Variants in PKNOX2 observed in about 807,000 individuals in gnomAD.
PKNOX2 encodes PBX/knotted 1 homeobox 2.
In PKNOX2, 14 loss-of-function variants were observed where a neutral mutation model predicts 53.1. The ratio of observed to expected loss-of-function variants is 0.26; its 90% CI spans 0.17 to 0.41. The LOEUF (loss-of-function observed/expected upper bound fraction) is 0.41, where lower values mean the gene tolerates loss of function less well. Ranked by LOEUF, PKNOX2 falls within the 10% of genes least tolerant of loss-of-function variation. PKNOX2 has a pLI of 1.00. For missense variants in PKNOX2, 496 were observed against 602.8 expected (o/e 0.82, Z 1.85); for synonymous variants, 257 against 242.8 (o/e 1.06, Z -0.54).
chr11:125,379,984 A>T (rs868629910), intron 5 of PKNOX2, among the ~76,000 whole-genome samples: 6 of 102,182 alleles, frequency 5.9e-5, no homozygotes, highest in Middle Eastern at 4.1e-3. Flanking sequence ...GCTCCTGGGG[A>T]GAGGTGATGA....
chr11:125,280,982 T>A (rs1946518413), intron 2 of PKNOX2, among the ~76,000 whole-genome samples: 1 of 152,172 alleles, frequency 6.6e-6, no homozygotes, highest in African/African-American at 2.4e-5. Flanking sequence ...CAGAAACTGG[T>A]GACCTGAGTG....
intron 8 of PKNOX2, 83 bp downstream of exon 8, chr11:125,410,408 G>A (rs1955435943): frequency 1.3e-6 from 2 of 1,573,792 alleles, no homozygotes; most frequent in South Asian, 2.3e-5. Flanking sequence ...CAGGGGTGGG[G>A]GTTGTCCTCC....
At chr11:125,413,298 C>T (rs916264073) in intron 10 of PKNOX2, among the ~76,000 whole-genome samples, 1 of 152,200 alleles carries the variant, frequency 6.6e-6, no homozygotes, top group African/African-American at 2.4e-5. Flanking sequence ...CAGCCTCAGG[C>T]CTCTAAGGAG....
chr11:125,250,755 G>A (rs1035307114), intron 2 of PKNOX2, among the ~76,000 whole-genome samples: 2 of 152,224 alleles, frequency 1.3e-5, no homozygotes, highest in Non-Finnish European at 2.9e-5. Flanking sequence ...GGAGGAGACC[G>A]CAGGCTTTCA....
intron 1 of PKNOX2, among the ~76,000 whole-genome samples, chr11:125,192,809 C>A (rs936405440): frequency 1.3e-5 from 2 of 152,120 alleles, no homozygotes; most frequent in African/African-American, 4.8e-5. Flanking sequence ...CAGGAAATCA[C>A]GGCCAGCCAG....
intron 3 of PKNOX2, among the ~76,000 whole-genome samples, chr11:125,334,957 C>T (rs1176991135): frequency 1.3e-5 from 2 of 152,096 alleles, no homozygotes; most frequent in East Asian, 3.9e-4. Flanking sequence ...ATCATATTTA[C>T]CTCATGGGGC....
intron 9 of PKNOX2, chr11:125,411,494 CTCTCTCTCTCTCT>C (rs1210428349): frequency 9.4e-5 from 43 of 455,580 alleles, no homozygotes; most frequent in African/African-American, 7.4e-4. Context: ...CTCTCTCTCT[CTCTCTCTCTCTCT>C]CTCCCCCCCT....
intron 1 of PKNOX2, among the ~76,000 whole-genome samples, chr11:125,201,954 C>T (rs1239973219): frequency 1.3e-5 from 2 of 152,190 alleles, no homozygotes; most frequent in Non-Finnish European, 2.9e-5. Flanking sequence ...TCTGGTGGAG[C>T]CCCAGCCTCT....
At chr11:125,410,372 G>A in intron 8 of PKNOX2, 47 bp downstream of exon 8, 2 of 1,609,696 alleles carry the variant, frequency 1.2e-6, no homozygotes, top group Non-Finnish European at 1.7e-6. Flanking sequence ...TCCCTGGGAG[G>A]AGAAAGGGTG....
chr11:125,318,875 G>A (rs529015858), intron 2 of PKNOX2, among the ~76,000 whole-genome samples: 5 of 152,174 alleles, frequency 3.3e-5, no homozygotes, highest in East Asian at 1.9e-4. Flanking sequence ...AGTGTCTGGC[G>A]GTTCCTCTCA....
At chr11:125,178,847 G>A (rs1244161981) in intron 1 of PKNOX2, among the ~76,000 whole-genome samples, 4 of 152,064 alleles carry the variant, frequency 2.6e-5, no homozygotes, top group Admixed American at 6.5e-5. Flanking sequence ...AAACACTTGT[G>A]ATATGACCCA....
intron 2 of PKNOX2, among the ~76,000 whole-genome samples, chr11:125,239,077 G>A (rs1299409907): frequency 2.6e-5 from 4 of 152,248 alleles, no homozygotes; most frequent in Middle Eastern, 3.4e-3. Context: ...CCATTCACTC[G>A]CCCAGTAAAT....
intron 2 of PKNOX2, among the ~76,000 whole-genome samples, chr11:125,324,456 A>T (rs1289410943): frequency 6.6e-6 from 1 of 152,204 alleles, no homozygotes. Context: ...TGAACACCTT[A>T]TATGTACAAA....
At chr11:125,176,498 G>C (rs939673438) in intron 1 of PKNOX2, among the ~76,000 whole-genome samples, 1 of 152,204 alleles carries the variant, frequency 6.6e-6, no homozygotes, top group Non-Finnish European at 1.5e-5. Flanking sequence ...AGGAAGCCGT[G>C]AGGGCCTCAA....
intron 2 of PKNOX2, among the ~76,000 whole-genome samples, chr11:125,323,586 C>T (rs772544466): frequency 6.6e-6 from 1 of 152,226 alleles, no homozygotes; most frequent in Non-Finnish European, 1.5e-5. Context: ...CTGAGAAGGG[C>T]AGGGAGGCAC....
intron 10 of PKNOX2, among the ~76,000 whole-genome samples, chr11:125,414,120 G>T (rs1955733581): frequency 6.6e-6 from 1 of 152,092 alleles, no homozygotes; most frequent in South Asian, 2.1e-4. Context: ...CAGAGCTCAG[G>T]GTCCTGTCTT....
At chr11:125,173,596 CAA>C (rs1261697555) in intron 1 of PKNOX2, among the ~76,000 whole-genome samples, 1 of 152,220 alleles carries the variant, frequency 6.6e-6, no homozygotes, top group East Asian at 1.9e-4. Context: ...TTGTGAAAAC[CAA>C]AGTCTAGAAG....
intron 5 of PKNOX2, among the ~76,000 whole-genome samples, chr11:125,382,942 T>C (rs1565511961): frequency 6.6e-6 from 1 of 152,172 alleles, no homozygotes; most frequent in Non-Finnish European, 1.5e-5. Flanking sequence ...ACCCTTTTTT[T>C]CTGCAGACTG....
intron 10 of PKNOX2, among the ~76,000 whole-genome samples, chr11:125,424,126 CAGA>C (rs1441834141): frequency 6.7e-6 from 1 of 148,574 alleles, no homozygotes; most frequent in Non-Finnish European, 1.5e-5. Context: ...TTTGGGGGGA[CAGA>C]AGGGGGTTTG....
Sources: allele counts gnomAD v4.1 joint callset (sites outside exome capture counted in the v4.1 genomes callset), GRCh38; gene constraint gnomAD v4.1.1; transcripts MANE v1.5; gene names NCBI Gene and HGNC (gene_info 2026-07-23, HGNC 2026-07-21).